The following DTNA variants were observed in gnomAD, a reference collection of about 807,000 sequenced individuals.
DTNA encodes dystrophin-related protein 3.
Under a neutral mutation model 100.7 loss-of-function variants are expected in DTNA, and 43 were observed. The observed-to-expected ratio is 0.43, with a 90% confidence interval of 0.33 to 0.55. The LOEUF (loss-of-function observed/expected upper bound fraction) is 0.55. Ranked by LOEUF, DTNA falls within the 20% of genes least tolerant of loss-of-function variation. The pLI, the probability that DTNA is intolerant of heterozygous loss-of-function variation, is 0.04. For synonymous variants in DTNA, 349 were observed against 347.9 expected, an observed-to-expected ratio of 1.00 and a Z score of -0.04; for missense variants, 798 against 953.9, an observed-to-expected ratio of 0.84 and a Z score of 2.15.
intron 13 of DTNA, among the ~76,000 whole-genome samples, chr18:34,844,471 A>T (rs1419042887): frequency 6.6e-6 from 1 of 152,104 alleles, no homozygotes; most frequent in Admixed American, 6.6e-5. Flanking sequence ...GCCAAAAAAA[A>T]GTGCTCTATT....
chr18:34,858,473 C>T (rs2096578493), intron 16 of DTNA, 75 bp downstream of exon 16: 1 of 1,478,498 alleles, frequency 6.8e-7, no homozygotes. Flanking sequence ...CAGTGTCTAG[C>T]CAGAAAACAG....
At chr18:34,884,697 C>A in intron 21 of DTNA, 31 bp from the exon 22 acceptor site, 1 of 1,613,966 alleles carries the variant, frequency 6.2e-7, no homozygotes, top group Non-Finnish European at 8.5e-7. Context: ...GACGTGTCAC[C>A]TTTCTCGTTT....
intron 3 of DTNA, among the ~76,000 whole-genome samples, chr18:34,773,616 G>T (rs185155045): frequency 2.0e-5 from 3 of 152,326 alleles, no homozygotes; most frequent in Admixed American, 2.0e-4. Flanking sequence ...ATAAAGGAAG[G>T]TGCATTGTGC....
At chr18:34,633,635 C>G (rs2148171447) in intron 1 of DTNA, among the ~76,000 whole-genome samples, 1 of 152,248 alleles carries the variant, frequency 6.6e-6, no homozygotes, top group Middle Eastern at 3.4e-3. Flanking sequence ...GGGTTCCTCT[C>G]ACTTTTAAGT....
chr18:34,742,629 T>TTTTATTATCTATCTAGATAGATAGATAA (rs2090871218), intron 1 of DTNA, among the ~76,000 whole-genome samples: 1 of 137,690 alleles, frequency 7.3e-6, no homozygotes. Flanking sequence ...TCTGATTATC[T>TTTTATTATCTATCTAGATAGATAGATAA]TCTATTATCT....
At chr18:34,697,173 C>T (rs1257904064) in intron 1 of DTNA, among the ~76,000 whole-genome samples, 3 of 152,072 alleles carry the variant, frequency 2.0e-5, no homozygotes, top group African/African-American at 7.2e-5. Flanking sequence ...TTTTTTGTTA[C>T]CATTGAATCT....
At chr18:34,838,322 T>C in intron 12 of DTNA, 151 bp downstream of exon 12, 1 of 786,896 alleles carries the variant, frequency 1.3e-6, no homozygotes, top group Non-Finnish European at 2.1e-6. Flanking sequence ...TAAGTAGTTA[T>C]TTCCAGTAGA....
chr18:34,850,315 T>C (rs2096457368), intron 14 of DTNA, among the ~76,000 whole-genome samples: 1 of 152,172 alleles, frequency 6.6e-6, no homozygotes, highest in African/African-American at 2.4e-5. Flanking sequence ...ATACATAAAG[T>C]ATATGCCAGA....
intron 3 of DTNA, 87 bp downstream of exon 3, chr18:34,766,128 A>G: frequency 1.4e-6 from 2 of 1,397,230 alleles, no homozygotes; most frequent in Non-Finnish European, 2.0e-6. Context: ...AGATTCTGTT[A>G]CAAATATTGC....
chr18:34,721,646 A>G (rs1373329312), intron 1 of DTNA, among the ~76,000 whole-genome samples: 5 of 152,250 alleles, frequency 3.3e-5, no homozygotes, highest in Non-Finnish European at 5.9e-5. Flanking sequence ...ATACTTAGGC[A>G]AAACTAATCA....
chr18:34,545,233 C>T (rs1265119632), intron 1 of DTNA, among the ~76,000 whole-genome samples: 1 of 151,918 alleles, frequency 6.6e-6, no homozygotes, highest in African/African-American at 2.4e-5. Context: ...CGTGAGATGC[C>T]CTGCAGTCTG....
At chr18:34,753,782 ACTT>A (rs1277199128) in intron 1 of DTNA, among the ~76,000 whole-genome samples, 12 of 152,250 alleles carry the variant, frequency 7.9e-5, no homozygotes, top group African/African-American at 2.9e-4. Context: ...CCTCAAGTCT[ACTT>A]CTGAGCCCTT....
intron 1 of DTNA, among the ~76,000 whole-genome samples, chr18:34,689,898 G>A (rs1376488790): frequency 2.6e-5 from 4 of 152,138 alleles, no homozygotes; most frequent in Admixed American, 6.5e-5. Context: ...GAGGTGTTGT[G>A]GTGGGCCCCA....
intron 1 of DTNA, among the ~76,000 whole-genome samples, chr18:34,594,414 T>TA: frequency 6.6e-6 from 1 of 152,326 alleles, no homozygotes. Flanking sequence ...TCTGAATAAA[T>TA]ACTGTCCATA....
chr18:34,571,259 G>A (rs1265974183), intron 1 of DTNA, among the ~76,000 whole-genome samples: 1 of 152,184 alleles, frequency 6.6e-6, no homozygotes, highest in East Asian at 1.9e-4. Flanking sequence ...AAGAGGCACA[G>A]TCCTCCATAT....
At chr18:34,571,393 C>G (rs2047573131) in intron 1 of DTNA, among the ~76,000 whole-genome samples, 1 of 152,104 alleles carries the variant, frequency 6.6e-6, no homozygotes, top group African/African-American at 2.4e-5. Flanking sequence ...TGTTCTCACC[C>G]AGGAAAAGAG....
At chr18:34,731,217 C>T (rs143190970) in intron 1 of DTNA, among the ~76,000 whole-genome samples, 1,886 of 152,286 alleles carry the variant, frequency 0.012, 14 homozygotes, top group Non-Finnish European at 0.02. Context: ...CGGTGGCTCA[C>T]GCCTGTAATC....
At chr18:34,746,534 A>G (rs2091611178) in intron 1 of DTNA, among the ~76,000 whole-genome samples, 2 of 152,122 alleles carry the variant, frequency 1.3e-5, no homozygotes, top group Non-Finnish European at 2.9e-5. Flanking sequence ...TTCTGCCAAG[A>G]TACATCGTAT....
At chr18:34,503,045 A>G (rs2144657987) in intron 1 of DTNA, among the ~76,000 whole-genome samples, 1 of 152,236 alleles carries the variant, frequency 6.6e-6, no homozygotes, top group African/African-American at 2.4e-5. Context: ...TATTTGGTGC[A>G]TATGTATTTA....
Sources: gnomAD v4.1 joint callset for allele counts (sites outside exome capture counted in the v4.1 genomes callset) on GRCh38, gnomAD v4.1.1 for gene constraint, MANE v1.5 for transcripts, NCBI Gene and HGNC (gene_info 2026-07-23, HGNC 2026-07-21) for gene names.